The following GLCCI1 variants were observed in gnomAD, a reference collection of about 807,000 sequenced individuals.
The protein encoded by GLCCI1 is glucocorticoid induced 1, also known as glucocorticoid-induced transcript 1 protein.
GLCCI1 carries 24 observed loss-of-function variants against 52.2 expected under a neutral mutation model. The observed-to-expected ratio is 0.46, with a 90% CI of 0.33 to 0.65. The LOEUF is 0.65. GLCCI1 is among the 30% of genes least tolerant of loss of function. The pLI is 0.02. For synonymous variants in GLCCI1, 310 were observed against 276.5 expected (o/e 1.12, Z -1.20); for missense variants, 704 against 701.5 (o/e 1.00, Z -0.04).
At chr7:8,075,241 G>T (rs527276063) in intron 6 of GLCCI1, among the ~76,000 whole-genome samples, 19 of 152,258 alleles carry the variant, frequency 1.2e-4, no homozygotes, top group African/African-American at 4.6e-4. Flanking sequence ...TGAGAGACTT[G>T]TTTCAAGTGA....
chr7:8,019,224 A>G (rs144706353), intron 2 of GLCCI1, among the ~76,000 whole-genome samples: 79 of 152,286 alleles, frequency 5.2e-4, no homozygotes, highest in Admixed American at 1.7e-3. Context: ...GTGTTGTCCT[A>G]TATGACAGCC....
chr7:7,969,401 T>G lies in GLCCI1; in HGVS notation c.51T>G (p.His17Gln). 6.4e-6 allele frequency: 9 copies of G among 1,405,062 alleles called. No homozygotes were observed. The highest frequency in any genetic ancestry group is 4.7e-6 in the Non-Finnish European group (5 of 1,073,500). The allele number at this position is 1,405,062 out of a possible 1,614,324, so 87.0% of individuals were successfully genotyped here. Reference protein sequence around the residue: ...SSSSSSSQTPHPPSQRMRRSA... With the variant: ...SSSSSSSQTPQPPSQRMRRSA... ...CCTCCAGTTCCTCTCAGACCCCTCA[T>G]CCCCCGTCGCAGAGGATGAGGCGCA... Residue 17 changes from histidine to glutamine, a missense_variant, in exon 1 of 8, where the codon CAT becomes CAG. His to Gln is a conservative substitution (Grantham distance 24, BLOSUM62 0). This residue lies in a region of GLCCI1 where 547 missense variants were observed against 524.8 expected (regional missense o/e 1.04). Transcript: ENST00000223145. This position sits in a 1 kb window ranked among gnomAD's most constrained non-coding sequence, Gnocchi z 4.9.
chr7:7,999,635 TG>T (rs1320492327), intron 1 of GLCCI1, among the ~76,000 whole-genome samples: 2 of 151,708 alleles, frequency 1.3e-5, no homozygotes, highest in African/African-American at 2.4e-5. Context: ...CTGGGAGTGG[TG>T]GCTTATACCT....
chr7:8,065,317 A>G (rs1782608473), intron 5 of GLCCI1, among the ~76,000 whole-genome samples: 1 of 152,106 alleles, frequency 6.6e-6, no homozygotes, highest in African/African-American at 2.4e-5. Context: ...AGACTATGGG[A>G]TTTTCTAGGT....
At chr7:8,016,587 G>T (rs538849988) in intron 2 of GLCCI1, among the ~76,000 whole-genome samples, 1 of 152,164 alleles carries the variant, frequency 6.6e-6, no homozygotes. Context: ...TTGTATAAAT[G>T]AATGAATAAA....
intron 6 of GLCCI1, among the ~76,000 whole-genome samples, chr7:8,077,170 C>T (rs1335414074): frequency 6.6e-6 from 1 of 151,748 alleles, no homozygotes; most frequent in Non-Finnish European, 1.5e-5. Context: ...CTGATAGTAA[C>T]TGGGTGGAAA....
At chr7:7,996,901 T>G (rs964952577) in intron 1 of GLCCI1, among the ~76,000 whole-genome samples, 1 of 152,252 alleles carries the variant, frequency 6.6e-6, no homozygotes, top group African/African-American at 2.4e-5. Context: ...AGCTTCAGTT[T>G]TGCTCTTTGG....
At chr7:8,008,194 ATT>A (rs1781195148) in intron 2 of GLCCI1, among the ~76,000 whole-genome samples, 1 of 151,972 alleles carries the variant, frequency 6.6e-6, no homozygotes, top group Non-Finnish European at 1.5e-5. Context: ...TGTAACTGAA[ATT>A]TTGTGTCCTT....
intron 1 of GLCCI1, among the ~76,000 whole-genome samples, chr7:7,979,194 G>A (rs1181683326): frequency 1.3e-5 from 2 of 152,064 alleles, no homozygotes; most frequent in East Asian, 3.8e-4. Context: ...ACAGTATTCT[G>A]CAATATTTCG....
chr7:7,969,515 G>C lies in GLCCI1; in HGVS notation c.165G>C (p.Ala55=). The C allele has an allele frequency of 1.0e-6, 1 of 996,782 alleles. No homozygotes were observed. Among genetic ancestry groups the C allele is most frequent in the Non-Finnish European group, 1.2e-6 (1 of 839,356 alleles). The allele number at this position is 996,782 out of a possible 1,614,324, so 61.7% of individuals were successfully genotyped here. A position where few individuals can be genotyped will look rare whatever the true frequency, so the allele number is the denominator to read the frequency against. Residue 55 remains alanine, a synonymous_variant, in exon 1 of 8, where the codon GCG becomes GCC. Transcript: ENST00000223145. This position sits in a 1 kb window ranked among gnomAD's most constrained non-coding sequence, Gnocchi z 4.9. Reference sequence around the variant, plus strand: ...GCGGCGTGGGCTGCGCCCCGGCTGCGGGAGCCGGCCGGCTGCTGCAGCCCA... The same window carrying C: ...GCGGCGTGGGCTGCGCCCCGGCTGCCGGAGCCGGCCGGCTGCTGCAGCCCA... The part of the protein sequence containing the change: ...GGGGVGCAPA[A]GAGRLLQPIR...
chr7:8,022,462 TTA>T lies in GLCCI1; in HGVS notation c.610-11_610-10del, dbSNP rs749782191. The T allele has an allele frequency of 1.1e-4, 141 of 1,331,806 alleles. No homozygotes were observed. The highest frequency in any genetic ancestry group is 3.0e-4 in the South Asian group (18 of 59,164). The allele number at this position is 1,331,806 out of a possible 1,614,324, so 82.5% of individuals were successfully genotyped here. ...GTAGAGATAAAATTTCTTATTTTAT[TTA>T]TATATATATTTTTTAAAGACACCTA... On this transcript the variant is annotated intron_variant, in intron 2 of 7. Transcript: ENST00000223145.
At chr7:7,977,498 A>G (rs1780518080) in intron 1 of GLCCI1, among the ~76,000 whole-genome samples, 1 of 152,220 alleles carries the variant, frequency 6.6e-6, no homozygotes, top group East Asian at 1.9e-4. Flanking sequence ...ATGGTTCCAT[A>G]GACATGTCGT....
At chr7:7,979,569 C>T (rs1780565372) in intron 1 of GLCCI1, among the ~76,000 whole-genome samples, 2 of 152,142 alleles carry the variant, frequency 1.3e-5, no homozygotes, top group South Asian at 2.1e-4. Context: ...TTACATCTAA[C>T]GTATCTTGCT....
At position 8,089,032 on chromosome 7, in the gene GLCCI1, A is replaced by G. The variant is rs1783178337; in HGVS notation, c.*2494A>G. 6.6e-6 allele frequency: 1 copy of G among 152,614 alleles called. No homozygotes were observed. Among genetic ancestry groups the G allele is most frequent in the African/African-American group, 2.4e-5 (1 of 41,462 alleles). The allele number at this position is 152,614 out of a possible 1,614,324, so 9.5% of individuals were successfully genotyped here. On this transcript the variant is annotated 3_prime_UTR_variant, in exon 8 of 8. Transcript: ENST00000223145. Reference sequence around the variant, plus strand: ...GGCTTTTGTTTTGTATTTTTTCAGTATAGAAGTTCCTGTGTCTTATTTAAA... The same window carrying G: ...GGCTTTTGTTTTGTATTTTTTCAGTGTAGAAGTTCCTGTGTCTTATTTAAA...
chr7:8,064,893 AT>A, intron 5 of GLCCI1, among the ~76,000 whole-genome samples: 1 of 151,468 alleles, frequency 6.6e-6, no homozygotes, highest in East Asian at 2.0e-4. Context: ...TTTTTTTTGT[AT>A]TTTAGTAGAG....
intron 1 of GLCCI1, among the ~76,000 whole-genome samples, chr7:7,975,038 A>G (rs1345628386): frequency 6.6e-6 from 1 of 152,180 alleles, no homozygotes; most frequent in African/African-American, 2.4e-5. Flanking sequence ...ACAAGTACTC[A>G]TATATTGATA....
chr7:8,068,398 GCT>G (rs1481224305), intron 5 of GLCCI1, among the ~76,000 whole-genome samples: 1 of 152,184 alleles, frequency 6.6e-6, no homozygotes, highest in Non-Finnish European at 1.5e-5. Context: ...CAGTCTTCAA[GCT>G]CTGAGATTCT....
chr7:8,054,658 GT>G (rs1473972299), intron 3 of GLCCI1, among the ~76,000 whole-genome samples: 1 of 151,946 alleles, frequency 6.6e-6, no homozygotes, highest in Non-Finnish European at 1.5e-5. Context: ...CATTGTAGAT[GT>G]TCAGGGAATA....
intron 3 of GLCCI1, among the ~76,000 whole-genome samples, chr7:8,032,602 T>G (rs753327141): frequency 2.6e-5 from 4 of 151,894 alleles, no homozygotes; most frequent in Non-Finnish European, 4.4e-5. Flanking sequence ...TATGAAACAA[T>G]ATTATGAACA....
Sources: gnomAD v4.1 joint callset for allele counts (sites outside exome capture counted in the v4.1 genomes callset) on GRCh38, gnomAD v4.1.1 for gene constraint, gnomAD v4.1.1 regional missense constraint, Gnocchi (gnomAD v3.1) non-coding constraint, MANE v1.5 for transcripts, NCBI Gene and HGNC (gene_info 2026-07-23, HGNC 2026-07-21) for gene names.